GLYATL2: variants seen among roughly 807,000 people sequenced by gnomAD.
GLYATL2 encodes glycine N-acyltransferase-like protein 2.
In GLYATL2, 25 loss-of-function variants were observed where a neutral mutation model predicts 21.4. The observed-to-expected ratio is 1.17, with a 90% CI of 0.85 to 1.63. GLYATL2 has a LOEUF of 1.63. Among genes scored for constraint, GLYATL2 ranks in the 40% most tolerant of loss-of-function variants. The pLI is 0.00. For missense variants in GLYATL2, 361 were observed against 343.3 expected (o/e 1.05, Z -0.41); for synonymous variants, 114 against 118.2 (o/e 0.96, Z 0.23).
intron 1 of GLYATL2, among the ~76,000 whole-genome samples, chr11:58,872,127 G>A (rs2134603674): frequency 6.6e-6 from 1 of 152,202 alleles, no homozygotes; most frequent in Admixed American, 6.5e-5. Context: ...TTTTGATGGG[G>A]TTGTTTGTTT....
intron 1 of GLYATL2, among the ~76,000 whole-genome samples, chr11:58,867,231 T>C (rs1469867122): frequency 6.7e-6 from 1 of 149,084 alleles, no homozygotes; most frequent in Non-Finnish European, 1.5e-5. Flanking sequence ...AGATTTAAAA[T>C]GTGTATATTT....
chr11:58,894,104 C>T (rs1854593114), intron 1 of GLYATL2, among the ~76,000 whole-genome samples: 1 of 152,162 alleles, frequency 6.6e-6, no homozygotes, highest in South Asian at 2.1e-4. Context: ...CTCTTTCTTA[C>T]TTCCTCGTCA....
intron 1 of GLYATL2, among the ~76,000 whole-genome samples, chr11:58,886,358 A>G (rs1408760331): frequency 6.6e-6 from 1 of 152,242 alleles, no homozygotes; most frequent in Non-Finnish European, 1.5e-5. Flanking sequence ...AATATTTCCA[A>G]TTTAGAGATG....
At chr11:58,862,925 C>T (rs186614836) in intron 1 of GLYATL2, among the ~76,000 whole-genome samples, 12 of 152,144 alleles carry the variant, frequency 7.9e-5, no homozygotes, top group Admixed American at 7.8e-4. Context: ...GAAAGTTATT[C>T]TAGTCTTTGT....
At chr11:58,902,310 C>T (rs1854754051) in intron 1 of GLYATL2, among the ~76,000 whole-genome samples, 1 of 152,106 alleles carries the variant, frequency 6.6e-6, no homozygotes, top group Non-Finnish European at 1.5e-5. Context: ...CTGACACATC[C>T]CCAGAAGCCA....
At chr11:58,875,674 G>T (rs987644296) in intron 1 of GLYATL2, among the ~76,000 whole-genome samples, 14 of 152,264 alleles carry the variant, frequency 9.2e-5, no homozygotes, top group Admixed American at 7.2e-4. Context: ...TAGTCTGTTG[G>T]GCTTCCCTTT....
At chr11:58,889,182 ATTATT>A in intron 1 of GLYATL2, among the ~76,000 whole-genome samples, 1 of 151,938 alleles carries the variant, frequency 6.6e-6, no homozygotes. Context: ...TCTGAGCATT[ATTATT>A]TTGTTATTGC....
At chr11:58,905,737 A>G, upstream of GLYATL2, 1 of 5,728 alleles carries the variant, frequency 1.7e-4, no homozygotes, top group Non-Finnish European at 3.2e-4. Flanking sequence ...ATCTGGACAA[A>G]TAGGGAGGGT....
chr11:58,855,139 A>G (rs561035066), intron 1 of GLYATL2, among the ~76,000 whole-genome samples: 1 of 152,350 alleles, frequency 6.6e-6, no homozygotes, highest in Non-Finnish European at 1.5e-5. Context: ...GGCATATGGA[A>G]TGGAAAATCC....
rs552297862 is a variant in GLYATL2 at position 58,840,970 on chromosome 11, C to T, written c.-40-1318G>A. On this transcript the variant is annotated intron_variant, in intron 1 of 5. Coordinates refer to ENST00000287275, the MANE Select transcript of GLYATL2 (RefSeq NM_145016.4). ...TGCATATACCCACCTGAAAGTCTTT[C>T]TGAAACAAAGTAGTATATAAATAAG... is the stretch of plus-strand genomic sequence containing the variant. 4 of 151,780 alleles carry T rather than the reference C, an allele frequency of 2.6e-5. No individual in the cohort carries two copies. The East Asian group carries it at 7.7e-4, about 29-fold the overall frequency. The allele number at this position is 151,780 out of a possible 1,614,324, so 9.4% of individuals were successfully genotyped here. A position where few individuals can be genotyped will look rare whatever the true frequency, so the allele number is the denominator to read the frequency against.
intron 1 of GLYATL2, chr11:58,892,843 C>G (rs528361189): frequency 3.1e-6 from 1 of 321,594 alleles, no homozygotes; most frequent in African/African-American, 2.2e-5. Flanking sequence ...TTGAGAGGTA[C>G]AAAAACAGGT....
rs190023646 is a variant in GLYATL2, at chr11:58,865,591, T to C, written n.61-27223A>G. On this transcript the variant is annotated intron_variant and non_coding_transcript_variant, in intron 1 of 4. Transcript: ENST00000533636. Reference sequence around the variant, plus strand: ...TCTGGGTTCTTGTCTCAGTTTTGCATATGCAATCATGTGTCCAGTTTCCAG... The same window carrying C: ...TCTGGGTTCTTGTCTCAGTTTTGCACATGCAATCATGTGTCCAGTTTCCAG... Among the ~76,000 whole-genome samples, 128 of 149,274 alleles carry C rather than the reference T, an allele frequency of 8.6e-4. 4 individuals are homozygous for C. Among genetic ancestry groups the C allele is most frequent in the African/African-American group, 2.6e-3 (109 of 41,388 alleles).
chr11:58,881,292 T>G (rs1854329622), intron 1 of GLYATL2, among the ~76,000 whole-genome samples: 1 of 152,112 alleles, frequency 6.6e-6, no homozygotes, highest in South Asian at 2.1e-4. Context: ...AAAAAAGAAG[T>G]AGGAGACAGA....
upstream of GLYATL2, chr11:58,907,342 C>T (rs1854922268): frequency 2.2e-6 from 1 of 456,192 alleles, no homozygotes; most frequent in African/African-American, 2.0e-5. Flanking sequence ...TGCTGCCCTT[C>T]CTTGCGACAC....
At chr11:58,895,750 C>A (rs1854623232) in intron 1 of GLYATL2, among the ~76,000 whole-genome samples, 1 of 134,040 alleles carries the variant, frequency 7.5e-6, no homozygotes, top group Non-Finnish European at 1.6e-5. Flanking sequence ...AAAAATCAAG[C>A]CTCAAGCATA....
chr11:58,890,035 G>A (rs992109906), intron 1 of GLYATL2, among the ~76,000 whole-genome samples: 23 of 151,902 alleles, frequency 1.5e-4, no homozygotes, highest in South Asian at 1.0e-3. Context: ...CTTGGAGTAC[G>A]GACAGATCTC....
At chr11:58,876,306 C>T (rs960878421) in intron 1 of GLYATL2, among the ~76,000 whole-genome samples, 33 of 152,334 alleles carry the variant, frequency 2.2e-4, no homozygotes, top group African/African-American at 6.0e-4. Flanking sequence ...AGTCATTCTC[C>T]GTCCAGCTTT....
intron 1 of GLYATL2, among the ~76,000 whole-genome samples, chr11:58,883,025 T>C (rs1854368604): frequency 6.6e-6 from 1 of 152,214 alleles, no homozygotes; most frequent in Admixed American, 6.5e-5. Flanking sequence ...CTTAGGGTTG[T>C]CTTGGCAATG....
At chr11:58,893,392 G>A (rs925627593) in intron 1 of GLYATL2, 12 of 228,394 alleles carry the variant, frequency 5.3e-5, no homozygotes, top group African/African-American at 1.8e-4. Context: ...GGTGAAGGTC[G>A]GTTCCTTTGT....
Sources: allele counts gnomAD v4.1 joint callset (sites outside exome capture counted in the v4.1 genomes callset), GRCh38; gene constraint gnomAD v4.1.1; transcripts MANE v1.5; gene names NCBI Gene and HGNC (gene_info 2026-07-23, HGNC 2026-07-21).